The following GRAMD1B variants were observed in gnomAD, a reference collection of about 807,000 sequenced individuals.
GRAMD1B encodes protein Aster-B.
GRAMD1B carries 37 observed loss-of-function variants against 99.7 expected under a neutral mutation model. The observed-to-expected ratio is 0.37, with a 90% confidence interval of 0.29 to 0.49. The LOEUF is 0.49. GRAMD1B is among the 20% of genes least tolerant of loss of function. GRAMD1B has a pLI of 0.98. For synonymous variants in GRAMD1B, 427 were observed against 387.6 expected, an observed-to-expected ratio of 1.10 and a Z score of -1.19; for missense variants, 888 against 1,009.2, an observed-to-expected ratio of 0.88 and a Z score of 1.63.
At chr11:123,551,182 A>AG (rs1239239957) in intron 2 of GRAMD1B, among the ~76,000 whole-genome samples, 3 of 152,212 alleles carry the variant, frequency 2.0e-5, no homozygotes, top group African/African-American at 7.2e-5. Flanking sequence ...GGCAAAGGGC[A>AG]GGTTTTTGTA....
intron 1 of GRAMD1B, among the ~76,000 whole-genome samples, chr11:123,399,282 G>A (rs1281102254): frequency 6.6e-6 from 1 of 152,184 alleles, no homozygotes; most frequent in Non-Finnish European, 1.5e-5. Context: ...TTTAAAGGCT[G>A]AAGAATATGC....
intron 17 of GRAMD1B, among the ~76,000 whole-genome samples, chr11:123,618,192 T>A (rs560694045): frequency 1.3e-5 from 2 of 152,276 alleles, no homozygotes; most frequent in South Asian, 4.1e-4. Context: ...CCTTGCTGGG[T>A]CGTCTCATCC....
At chr11:123,459,141 G>C (rs1206735879) in intron 1 of GRAMD1B, 1 of 152,146 alleles carries the variant, frequency 6.6e-6, no homozygotes, top group African/African-American at 2.4e-5. Flanking sequence ...TATAGTTATG[G>C]TGACCAGCCC....
At chr11:123,426,571 C>G (rs192551049), upstream of GRAMD1B, among the ~76,000 whole-genome samples, 4 of 139,116 alleles carry the variant, frequency 2.9e-5, no homozygotes, top group East Asian at 7.8e-4. Flanking sequence ...GCTTCTTTCC[C>G]TCATAATGGG....
chr11:123,395,759 A>G (rs1407705925), intron 1 of GRAMD1B, among the ~76,000 whole-genome samples: 2 of 152,168 alleles, frequency 1.3e-5, no homozygotes, highest in African/African-American at 4.8e-5. Context: ...AGTGATTCCA[A>G]TGAATAGCCA....
chr11:123,610,115 G>A lies in GRAMD1B; in HGVS notation c.1777-81G>A. ...GTTCAGAAGCCGTGGGGTGGGGTGGGCTTGGGGAGGCTGGAGAAGGTGCTT... is the reference window on the plus strand; with the variant it reads ...GTTCAGAAGCCGTGGGGTGGGGTGGACTTGGGGAGGCTGGAGAAGGTGCTT... On this transcript the variant is annotated intron_variant, in intron 13 of 19. Coordinates refer to ENST00000635736, the MANE Select transcript of GRAMD1B (RefSeq NM_001387025.1). This position sits in a 1 kb window ranked among gnomAD's most constrained non-coding sequence, Gnocchi z 4.1. 1.5e-6 allele frequency: 2 copies of A among 1,368,302 alleles called. No homozygotes were observed. Among genetic ancestry groups the A allele is most frequent in the Non-Finnish European group, 2.1e-6 (2 of 975,602 alleles). 84.8% of individuals were successfully genotyped at this position (1,368,302 alleles called of 1,614,324 possible). A position where few individuals can be genotyped will look rare whatever the true frequency, so the allele number is the denominator to read the frequency against.
chr11:123,463,959 CATT>C, intron 1 of GRAMD1B, among the ~76,000 whole-genome samples: 1 of 152,204 alleles, frequency 6.6e-6, no homozygotes, highest in Non-Finnish European at 1.5e-5. Flanking sequence ...TATTCTATGA[CATT>C]ATAGGAAGAC....
chr11:123,386,574 A>AGCAGGGCCCTCTTGCAGG (rs1211977198), intron 1 of GRAMD1B, among the ~76,000 whole-genome samples: 11 of 151,734 alleles, frequency 7.2e-5, no homozygotes, highest in African/African-American at 2.2e-4. Context: ...AGTAGCTGGG[A>AGCAGGGCCCTCTTGCAGG]TTACAGGCAC....
intron 1 of GRAMD1B, among the ~76,000 whole-genome samples, chr11:123,367,628 T>G (rs978717981): frequency 6.6e-6 from 1 of 152,126 alleles, no homozygotes; most frequent in African/African-American, 2.4e-5. Context: ...GCGTGATGAG[T>G]TGGAGCCTGC....
chr11:123,611,080 G>A (rs1007018455), intron 14 of GRAMD1B, among the ~76,000 whole-genome samples: 1 of 152,162 alleles, frequency 6.6e-6, no homozygotes, highest in Non-Finnish European at 1.5e-5. Context: ...CCAAAAATTC[G>A]CTGATGTAGT....
At position 123,625,673 on chromosome 11, in the gene GRAMD1B, T is replaced by C; in HGVS notation, c.*3078T>C. On this transcript the variant is annotated 3_prime_UTR_variant, in exon 20 of 20. Transcript: ENST00000635736. ...GCAAGTCACTCCCCCTCTCTGAGCT[T>C]CAGTATCCTCCTGTCACAGGAGGGA... The C allele has an allele frequency of 6.6e-6, 1 of 152,574 alleles. No individual in the cohort carries two copies. The highest frequency in any genetic ancestry group is 1.9e-4 in the East Asian group (1 of 5,198). The allele number at this position is 152,574 out of a possible 1,614,324, so 9.5% of individuals were successfully genotyped here. A position where few individuals can be genotyped will look rare whatever the true frequency, so the allele number is the denominator to read the frequency against.
Position 123,553,266 on chromosome 11 carries a change from C to T in GRAMD1B, c.453-24101C>T, listed in dbSNP as rs766401690. 3.3e-5 allele frequency among the ~76,000 whole-genome samples: 5 copies of T among 152,074 alleles called. 1 individual carries two copies. Among genetic ancestry groups the T allele is most frequent in the African/African-American group, 7.3e-5 (3 of 41,378 alleles). ...AAAAGAAAAAGATAATACCCAGGAG[C>T]CAGTTATTCTATTTGGATAAGATTA... On this transcript the variant is annotated intron_variant, in intron 2 of 19. Transcript: ENST00000635736.
chr11:123,362,969 C>A (rs923090171), intron 1 of GRAMD1B, among the ~76,000 whole-genome samples: 3 of 150,908 alleles, frequency 2.0e-5, no homozygotes, highest in Non-Finnish European at 2.9e-5. Flanking sequence ...GGTAGGGTGG[C>A]GGAGAGAGGA....
At position 123,587,015 on chromosome 11, in the gene GRAMD1B, G is replaced by A. The variant is rs1334469933; in HGVS notation, c.684+2683G>A. On this transcript the variant is annotated intron_variant, in intron 4 of 19. Coordinates refer to ENST00000635736, the MANE Select transcript of GRAMD1B (RefSeq NM_001387025.1). This position sits in a 1 kb window ranked among gnomAD's most constrained non-coding sequence, Gnocchi z 4.2. ...AGGGCCAGTGCCCTGCAGAATCGCT[G>A]ATAGTGGCAAGAGCATTCAGGCCCA... Among the ~76,000 whole-genome samples the A allele has an allele frequency of 6.6e-6, 1 of 152,218 alleles. No homozygotes were observed. Among genetic ancestry groups the A allele is most frequent in the Non-Finnish European group, 1.5e-5 (1 of 68,028 alleles).
chr11:123,489,915 G>A (rs2714085), intron 2 of GRAMD1B, among the ~76,000 whole-genome samples: 64,986 of 152,062 alleles, frequency 0.43, 15,911 homozygotes, highest in African/African-American at 0.67. Context: ...GATGGCTGGC[G>A]CCTGTAATTC....
intron 1 of GRAMD1B, among the ~76,000 whole-genome samples, chr11:123,445,835 A>AAC (rs1344714378): frequency 2.0e-5 from 3 of 151,458 alleles, no homozygotes; most frequent in Non-Finnish European, 4.4e-5. Context: ...AAAAAAAAAA[A>AAC]AAACAAGACA....
At chr11:123,604,536 G>A (rs1226833492) in intron 9 of GRAMD1B, among the ~76,000 whole-genome samples, 1 of 152,202 alleles carries the variant, frequency 6.6e-6, no homozygotes, top group Non-Finnish European at 1.5e-5. Context: ...TGCAAGCTTG[G>A]TGGTCGTGCA....
chr11:123,611,590 G>A (rs1953578937), intron 14 of GRAMD1B, among the ~76,000 whole-genome samples: 1 of 151,302 alleles, frequency 6.6e-6, no homozygotes, highest in Non-Finnish European at 1.5e-5. Flanking sequence ...TTCTCTTCTT[G>A]TCCTTTCCTC....
At chr11:123,416,278 T>C (rs550353217) in intron 1 of GRAMD1B, among the ~76,000 whole-genome samples, 2 of 152,156 alleles carry the variant, frequency 1.3e-5, no homozygotes, top group Non-Finnish European at 2.9e-5. Context: ...TAACTTCTAT[T>C]GGGTGTGATG....
Sources: gnomAD v4.1 joint callset for allele counts (sites outside exome capture counted in the v4.1 genomes callset) on GRCh38, gnomAD v4.1.1 for gene constraint, Gnocchi (gnomAD v3.1) non-coding constraint, MANE v1.5 for transcripts, NCBI Gene and HGNC (gene_info 2026-07-23, HGNC 2026-07-21) for gene names.